The following PTPRD variants were observed in gnomAD, a reference collection of about 807,000 sequenced individuals.
PTPRD encodes receptor-type tyrosine-protein phosphatase delta.
A neutral mutation model predicts 214.5 loss-of-function variants in PTPRD; 34 were observed. The observed-to-expected ratio is 0.16, with a 90% CI of 0.12 to 0.21. The LOEUF is 0.21. PTPRD is among the 10% of genes least tolerant of loss of function. The pLI, the probability that PTPRD is intolerant of heterozygous loss-of-function variation, is 1.00. For synonymous variants in PTPRD, 1,128 were observed against 845.7 expected, an observed-to-expected ratio of 1.33 and a Z score of -5.79; for missense variants, 2,545 against 2,398.7, an observed-to-expected ratio of 1.06 and a Z score of -1.27.
intron 6 of PTPRD, among the ~76,000 whole-genome samples, chr9:9,752,488 T>C (rs1286483011): frequency 6.6e-6 from 1 of 151,914 alleles, no homozygotes; most frequent in African/African-American, 2.4e-5. Context: ...TGTGTACTAG[T>C]TTCTTGTAAA....
chr9:9,733,665 C>T (rs1482893985), intron 7 of PTPRD, among the ~76,000 whole-genome samples: 1 of 152,184 alleles, frequency 6.6e-6, no homozygotes, highest in Non-Finnish European at 1.5e-5. Flanking sequence ...GATTGTATTT[C>T]TGCAGTCCAT....
chr9:10,004,151 AG>A (rs1170822361), intron 4 of PTPRD, among the ~76,000 whole-genome samples: 1 of 151,908 alleles, frequency 6.6e-6, no homozygotes, highest in Admixed American at 6.6e-5. Context: ...TGACATAGAA[AG>A]GTTTTAAGTT....
chr9:9,791,336 GT>G (rs199609867), intron 5 of PTPRD, among the ~76,000 whole-genome samples: 27 of 151,964 alleles, frequency 1.8e-4, no homozygotes, highest in South Asian at 6.2e-4. Flanking sequence ...ATAGAATCAT[GT>G]TTTTTTTAAG....
intron 12 of PTPRD, among the ~76,000 whole-genome samples, chr9:8,711,517 G>C (rs986134670): frequency 6.6e-6 from 1 of 151,976 alleles, no homozygotes; most frequent in African/African-American, 2.4e-5. Flanking sequence ...ACTAAACCTT[G>C]CCAAGCAAAA....
At chr9:9,597,308 A>G (rs1334154996) in intron 7 of PTPRD, among the ~76,000 whole-genome samples, 1 of 152,052 alleles carries the variant, frequency 6.6e-6, no homozygotes, top group African/African-American at 2.4e-5. Flanking sequence ...CAATGTTCAT[A>G]GCTATATTGA....
chr9:10,112,331 C>T (rs534806049), intron 3 of PTPRD, among the ~76,000 whole-genome samples: 2 of 152,210 alleles, frequency 1.3e-5, no homozygotes, highest in South Asian at 4.1e-4. Flanking sequence ...ATAGGAGGCT[C>T]ATTAGTGACA....
chr9:9,875,741 C>A (rs974466533), intron 5 of PTPRD, among the ~76,000 whole-genome samples: 3 of 151,904 alleles, frequency 2.0e-5, no homozygotes, highest in South Asian at 2.1e-4. Flanking sequence ...GAATATTAAC[C>A]CTTTATAAAT....
chr9:9,804,328 G>T (rs942324347), intron 5 of PTPRD, among the ~76,000 whole-genome samples: 1 of 151,980 alleles, frequency 6.6e-6, no homozygotes, highest in African/African-American at 2.4e-5. Flanking sequence ...CTTGGAAATG[G>T]CTGGAAATAT....
At chr9:10,380,740 T>C (rs148381007) in intron 2 of PTPRD, among the ~76,000 whole-genome samples, 12 of 151,624 alleles carry the variant, frequency 7.9e-5, no homozygotes, top group Admixed American at 2.6e-4. Flanking sequence ...ATAGAAAAAT[T>C]ATTTCTGCAG....
At chr9:9,913,240 C>T (rs546313470) in intron 5 of PTPRD, among the ~76,000 whole-genome samples, 2 of 152,226 alleles carry the variant, frequency 1.3e-5, no homozygotes, top group East Asian at 3.9e-4. Flanking sequence ...CAGAGCAACA[C>T]TGAATATAAA....
chr9:9,394,828 G>C (rs533730604), intron 9 of PTPRD, among the ~76,000 whole-genome samples: 16 of 152,010 alleles, frequency 1.1e-4, no homozygotes, highest in African/African-American at 2.7e-4. Flanking sequence ...AAATCATCTG[G>C]GATGATTATT....
At chr9:9,582,285 G>C (rs1395768165) in intron 7 of PTPRD, among the ~76,000 whole-genome samples, 1 of 152,130 alleles carries the variant, frequency 6.6e-6, no homozygotes, top group Non-Finnish European at 1.5e-5. Flanking sequence ...AACAGTGTCA[G>C]TGAATGTTAA....
At chr9:8,389,196 A>T (rs573411631) in intron 37 of PTPRD, 36 bp downstream of exon 37, 23 of 1,558,624 alleles carry the variant, frequency 1.5e-5, no homozygotes, top group Admixed American at 1.2e-4. Context: ...CTGAGGGAAA[A>T]TTTTTAAAAG....
At chr9:10,329,623 A>G (rs1198122297) in intron 3 of PTPRD, among the ~76,000 whole-genome samples, 1 of 151,830 alleles carries the variant, frequency 6.6e-6, no homozygotes, top group African/African-American at 2.4e-5. Context: ...TTTTATACAA[A>G]TACCTGTTTT....
At chr9:8,794,061 A>G (rs2096327089) in intron 11 of PTPRD, among the ~76,000 whole-genome samples, 1 of 152,374 alleles carries the variant, frequency 6.6e-6, no homozygotes, top group East Asian at 1.9e-4. Flanking sequence ...ATTATCATGC[A>G]TTACAGTGCA....
rs1184438670 is a variant in PTPRD, at chr9:8,934,433, ATAAATATATATATAAATT to A, written c.-104+84246_-104+84263del. Among the ~76,000 whole-genome samples the A allele has an allele frequency of 1.4e-3, 59 of 41,740 alleles. 3 individuals carry two copies. The highest frequency in any genetic ancestry group is 5.1e-3 in the African/African-American group (44 of 8,622). 27.4% of individuals were successfully genotyped at this position (41,740 alleles called of 152,430 possible). A position where few individuals can be genotyped will look rare whatever the true frequency, so the allele number is the denominator to read the frequency against. On this transcript the variant is annotated intron_variant, in intron 11 of 45. Coordinates refer to ENST00000381196, the MANE Select transcript of PTPRD (RefSeq NM_002839.4). ...TGTGTGTGTGTGTGTATATATATATATAAATATATATATAAATTTATATATATATAAATATATATATAT... is the reference window on the plus strand; with the variant it reads ...TGTGTGTGTGTGTGTATATATATATATATATATATATAAATATATATATAT...
intron 8 of PTPRD, among the ~76,000 whole-genome samples, chr9:9,558,796 C>T (rs571127759): frequency 6.6e-6 from 1 of 152,170 alleles, no homozygotes; most frequent in African/African-American, 2.4e-5. Context: ...CCCAGGTAGA[C>T]CTATCTGTAT....
chr9:10,130,563 T>TGC (rs2098858380), intron 3 of PTPRD, among the ~76,000 whole-genome samples: 1 of 152,120 alleles, frequency 6.6e-6, no homozygotes, highest in Non-Finnish European at 1.5e-5. Flanking sequence ...ATCAACCAAA[T>TGC]ATTGGCAGAA....
chr9:9,583,976 T>C (rs554351608), intron 7 of PTPRD, among the ~76,000 whole-genome samples: 86 of 152,140 alleles, frequency 5.7e-4, no homozygotes, highest in Non-Finnish European at 9.9e-4. Flanking sequence ...TTTTTGCCAA[T>C]TGGCAATTCA....
Sources: allele counts gnomAD v4.1 joint callset (sites outside exome capture counted in the v4.1 genomes callset), GRCh38; gene constraint gnomAD v4.1.1; transcripts MANE v1.5; gene names NCBI Gene and HGNC (gene_info 2026-07-23, HGNC 2026-07-21).